The following APBB2 variants were observed in gnomAD, a reference collection of about 807,000 sequenced individuals.
The protein encoded by APBB2 is Fe65-like 1.
In APBB2, 38 loss-of-function variants were observed where a neutral mutation model predicts 82.5. That is an observed-to-expected ratio of 0.46 (90% CI 0.36 to 0.60). The LOEUF is 0.60. APBB2 is among the 20% of genes least tolerant of loss of function. The pLI, the probability that APBB2 is intolerant of heterozygous loss-of-function variation, is 0.00. For synonymous variants in APBB2, 341 were observed against 368.2 expected (o/e 0.93, Z 0.85); for missense variants, 772 against 972.3 (o/e 0.79, Z 2.74).
intron 12 of APBB2, among the ~76,000 whole-genome samples, chr4:40,882,851 T>A (rs1769053487): frequency 6.6e-6 from 1 of 152,198 alleles, no homozygotes; most frequent in Non-Finnish European, 1.5e-5. Flanking sequence ...GCTGTTAAAC[T>A]TCTTTGGTGA....
At chr4:40,892,513 C>T (rs1772352128) in intron 11 of APBB2, 1 of 152,168 alleles carries the variant, frequency 6.6e-6, no homozygotes, top group Non-Finnish European at 1.5e-5. Flanking sequence ...ATCAGCCCAA[C>T]CAAAAAGCAA....
At chr4:41,203,376 C>A (rs955852177) in intron 1 of APBB2, among the ~76,000 whole-genome samples, 1 of 152,130 alleles carries the variant, frequency 6.6e-6, no homozygotes. Flanking sequence ...TAGAAATTAT[C>A]TCAAATCTTA....
intron 12 of APBB2, among the ~76,000 whole-genome samples, chr4:40,886,446 C>T (rs1194325571): frequency 2.0e-5 from 3 of 151,940 alleles, no homozygotes; most frequent in African/African-American, 7.3e-5. Flanking sequence ...CACCATTGCA[C>T]TCCAGCCTGG....
intron 2 of APBB2, among the ~76,000 whole-genome samples, chr4:41,116,703 A>C (rs1751092001): frequency 6.6e-6 from 1 of 152,212 alleles, no homozygotes; most frequent in South Asian, 2.1e-4. Flanking sequence ...ATTGATTTCT[A>C]TACAGAAAGC....
intron 4 of APBB2, among the ~76,000 whole-genome samples, chr4:41,042,921 G>A (rs1876493): frequency 6.6e-6 from 1 of 152,014 alleles, no homozygotes; most frequent in African/African-American, 2.4e-5. Flanking sequence ...ACTAGTTATA[G>A]CCACAACAAC....
At chr4:41,099,252 G>C (rs1744550019) in intron 3 of APBB2, among the ~76,000 whole-genome samples, 1 of 152,054 alleles carries the variant, frequency 6.6e-6, no homozygotes, top group Admixed American at 6.6e-5. Context: ...TTTTGGGATG[G>C]AGTTTCGCTC....
chr4:40,823,895 T>C, intron 15 of APBB2, 136 bp from the exon 16 acceptor site: 1 of 619,136 alleles, frequency 1.6e-6, no homozygotes, highest in Non-Finnish European at 2.9e-6. Context: ...TCATGTTTGC[T>C]CAACAGGAAT....
chr4:41,174,532 G>A (rs1359295481), intron 1 of APBB2, among the ~76,000 whole-genome samples: 2 of 152,058 alleles, frequency 1.3e-5, no homozygotes, highest in Non-Finnish European at 2.9e-5. Flanking sequence ...GGTCTAGGTG[G>A]GTGCTAGTCT....
chr4:41,064,065 G>A (rs1302122017), intron 4 of APBB2, among the ~76,000 whole-genome samples: 36 of 137,662 alleles, frequency 2.6e-4, no homozygotes, highest in Admixed American at 2.5e-3. Flanking sequence ...TGCAAGCTCC[G>A]CTTCCCGGGT....
intron 2 of APBB2, among the ~76,000 whole-genome samples, chr4:41,106,157 A>G (rs916311028): frequency 3.3e-5 from 5 of 152,180 alleles, no homozygotes; most frequent in Non-Finnish European, 7.3e-5. Flanking sequence ...TAATGGATAT[A>G]AAAAAGGGTA....
chr4:41,034,325 T>C (rs1271956920), intron 4 of APBB2, among the ~76,000 whole-genome samples: 2 of 152,042 alleles, frequency 1.3e-5, no homozygotes, highest in African/African-American at 2.4e-5. Context: ...AAAGGGGTTG[T>C]TGGTTTTTTG....
intron 6 of APBB2, among the ~76,000 whole-genome samples, chr4:40,950,947 G>A (rs759516830): frequency 3.3e-5 from 5 of 152,178 alleles, no homozygotes; most frequent in Admixed American, 6.5e-5. Context: ...CAATATGGAT[G>A]TATTTTACAA....
At chr4:41,196,324 A>G in intron 1 of APBB2, among the ~76,000 whole-genome samples, 1 of 152,160 alleles carries the variant, frequency 6.6e-6, no homozygotes, top group Non-Finnish European at 1.5e-5. Context: ...CAAAGTTCAG[A>G]TTTTCATCTG....
At chr4:41,150,079 C>T (rs890198120) in intron 1 of APBB2, among the ~76,000 whole-genome samples, 2 of 152,202 alleles carry the variant, frequency 1.3e-5, no homozygotes, top group African/African-American at 4.8e-5. Context: ...AAGTACTCTG[C>T]ATCATTTTTC....
chr4:41,104,135 C>CAAAGAGGG (rs1746355024), intron 2 of APBB2, among the ~76,000 whole-genome samples: 1 of 152,112 alleles, frequency 6.6e-6, no homozygotes, highest in Admixed American at 6.6e-5. Flanking sequence ...TAAACAAATA[C>CAAAGAGGG]AAAGAGGGAT....
rs111368574 is a variant in APBB2, at chr4:40,885,806, G to A, written c.1529+4558C>T. Among the ~76,000 whole-genome samples the A allele has an allele frequency of 5.9e-4, 90 of 152,246 alleles. 1 individual carries two copies. In the South Asian group the frequency reaches 7.5e-3, roughly 13 times the overall value. ...TGTTCCATGTGATTGTGTTTCCACC[G>A]AGGAAACGGTCCAGCCAAGCCTGGG... On this transcript the variant is annotated intron_variant, in intron 12 of 17. Coordinates refer to ENST00000508593, the MANE Select transcript of APBB2 (RefSeq NM_004307.2).
rs369277062 is a variant in APBB2, at chr4:41,117,391, C to T, written c.-260-16641G>A. On this transcript the variant is annotated intron_variant, in intron 2 of 17. Transcript: ENST00000508593. ...CACTGCAACCTCCACCTCCCAGGTT[C>T]AAGCAATTCTCCTGCCTCAGCCTCT... Among the ~76,000 whole-genome samples, 63 of 151,334 alleles carry T rather than the reference C, an allele frequency of 4.2e-4. No individual in the cohort carries two copies. The South Asian group carries it at 0.013, about 32-fold the overall frequency.
intron 6 of APBB2, among the ~76,000 whole-genome samples, chr4:40,952,443 A>G (rs1057067967): frequency 2.0e-5 from 3 of 152,112 alleles, no homozygotes; most frequent in African/African-American, 4.8e-5. Context: ...ATTAATGAGG[A>G]AGCAAAAATA....
In APBB2 at chr4:40,890,346, C is replaced by A. The variant is rs1301483396; in HGVS notation, c.1529+18G>T. On this transcript the variant is annotated intron_variant, in intron 12 of 17. Transcript: ENST00000508593. Reference sequence around the variant, plus strand: ...GACACGGGTGAGGTGACCCAGACTGCCCCACCCAGGGACTCACCGGCCATT... The same window carrying A: ...GACACGGGTGAGGTGACCCAGACTGACCCACCCAGGGACTCACCGGCCATT... 3.1e-6 allele frequency: 5 copies of A among 1,608,332 alleles called. No individual in the cohort carries two copies. The highest frequency in any genetic ancestry group is 1.1e-5 in the South Asian group (1 of 90,392).
Sources: allele counts gnomAD v4.1 joint callset (sites outside exome capture counted in the v4.1 genomes callset), GRCh38; gene constraint gnomAD v4.1.1; transcripts MANE v1.5; gene names NCBI Gene and HGNC (gene_info 2026-07-23, HGNC 2026-07-21).